Variants in NSMCE1 observed in about 807,000 individuals in gnomAD.
NSMCE1 encodes the protein NSE1 component of SMC5/6 complex, also known as non-structural maintenance of chromosomes element 1 homolog.
NSMCE1 carries 18 observed loss-of-function variants against 29.6 expected under a neutral mutation model. The observed-to-expected ratio is 0.61, with a 90% CI of 0.42 to 0.90. NSMCE1 has a LOEUF of 0.90. Among genes scored for constraint, NSMCE1 ranks in the 40% least tolerant of loss-of-function variants. The pLI is 0.00. For missense variants in NSMCE1, 314 were observed against 343.6 expected (o/e 0.91, Z 0.68); for synonymous variants, 124 against 133.4 (o/e 0.93, Z 0.49).
chr16:27,255,503 TATC>T (rs1407574551), intron 2 of NSMCE1, among the ~76,000 whole-genome samples: 1 of 152,166 alleles, frequency 6.6e-6, no homozygotes, highest in African/African-American at 2.4e-5. Flanking sequence ...CAGGGTAGGT[TATC>T]AGTAGGTCAA....
intron 1 of NSMCE1, among the ~76,000 whole-genome samples, chr16:27,263,208 G>A (rs891335868): frequency 1.3e-5 from 2 of 152,142 alleles, no homozygotes; most frequent in Non-Finnish European, 1.5e-5. Context: ...TATACCAGAG[G>A]AACAGAAATA....
intron 5 of NSMCE1, among the ~76,000 whole-genome samples, chr16:27,230,132 C>T (rs369232365): frequency 9.9e-5 from 15 of 152,198 alleles, no homozygotes; most frequent in Non-Finnish European, 1.5e-4. Flanking sequence ...CCATGAGCCG[C>T]GCTTGCTCTC....
intron 2 of NSMCE1, among the ~76,000 whole-genome samples, chr16:27,251,467 T>A (rs921089059): frequency 6.6e-6 from 1 of 152,164 alleles, no homozygotes; most frequent in Non-Finnish European, 1.5e-5. Flanking sequence ...GGATAAACCC[T>A]ACTTGGTTAT....
At chr16:27,255,782 G>A (rs964829820) in intron 2 of NSMCE1, among the ~76,000 whole-genome samples, 1 of 152,156 alleles carries the variant, frequency 6.6e-6, no homozygotes, top group Admixed American at 6.5e-5. Flanking sequence ...ACCTCTCTGG[G>A]ATCAGGCTTT....
At chr16:27,229,905 T>C (rs1596670944) in intron 5 of NSMCE1, among the ~76,000 whole-genome samples, 1 of 152,202 alleles carries the variant, frequency 6.6e-6, no homozygotes, top group Non-Finnish European at 1.5e-5. Flanking sequence ...ACACCTGCTA[T>C]GTGCCTGAAA....
At chr16:27,228,995 C>T (rs1041323119) in intron 5 of NSMCE1, among the ~76,000 whole-genome samples, 11 of 152,120 alleles carry the variant, frequency 7.2e-5, no homozygotes, top group Admixed American at 3.3e-4. Context: ...GCAACGCACT[C>T]GCTACCGAAC....
intron 6 of NSMCE1, 181 bp from the exon 7 acceptor site, chr16:27,226,027 C>T: frequency 1.5e-6 from 1 of 670,138 alleles, no homozygotes. Flanking sequence ...TTGCTTGCTG[C>T]TTGTTGCGGT....
At chr16:27,233,523 C>T (rs546905383) in intron 4 of NSMCE1, among the ~76,000 whole-genome samples, 21 of 152,372 alleles carry the variant, frequency 1.4e-4, no homozygotes, top group South Asian at 8.3e-4. Flanking sequence ...GCTCCTCAAC[C>T]TTGGTGGCTA....
At chr16:27,266,286 T>C (rs1246632234) in intron 1 of NSMCE1, 1 of 152,184 alleles carries the variant, frequency 6.6e-6, no homozygotes, top group East Asian at 1.9e-4. Context: ...GAGAACAGGA[T>C]AGGATTGAAT....
intron 1 of NSMCE1, among the ~76,000 whole-genome samples, chr16:27,267,259 T>A (rs2084236131): frequency 6.6e-6 from 1 of 152,190 alleles, no homozygotes; most frequent in African/African-American, 2.4e-5. Context: ...TTAATAATTT[T>A]AAAATAGAAA....
intron 2 of NSMCE1, among the ~76,000 whole-genome samples, chr16:27,254,136 A>G (rs1235163576): frequency 6.6e-6 from 1 of 152,268 alleles, no homozygotes; most frequent in Non-Finnish European, 1.5e-5. Context: ...TTCAAAAGAT[A>G]GGAAATTAAT....
intron 5 of NSMCE1, among the ~76,000 whole-genome samples, chr16:27,228,924 C>T (rs7498181): frequency 2.0e-5 from 3 of 151,504 alleles, no homozygotes; most frequent in Non-Finnish European, 2.9e-5. Flanking sequence ...CCCACCTCCC[C>T]GGCCTCCACC....
chr16:27,253,204 G>A (rs758287841), intron 2 of NSMCE1, among the ~76,000 whole-genome samples: 1 of 152,206 alleles, frequency 6.6e-6, no homozygotes, highest in Non-Finnish European at 1.5e-5. Flanking sequence ...AGGGAGTTAT[G>A]GGAACCACTG....
At chr16:27,240,493 C>T (rs80184721) in intron 2 of NSMCE1, among the ~76,000 whole-genome samples, 1 of 152,328 alleles carries the variant, frequency 6.6e-6, no homozygotes, top group East Asian at 1.9e-4. Context: ...CATCCATCAT[C>T]CCCTTGGCCC....
intron 2 of NSMCE1, among the ~76,000 whole-genome samples, chr16:27,247,706 C>T (rs887444791): frequency 7.2e-5 from 11 of 152,134 alleles, no homozygotes; most frequent in African/African-American, 2.7e-4. Context: ...GTGGGCAGAT[C>T]ACGAGGTGAG....
chr16:27,238,411 G>A (rs1249868151), intron 2 of NSMCE1, among the ~76,000 whole-genome samples: 2 of 152,064 alleles, frequency 1.3e-5, no homozygotes, highest in Non-Finnish European at 2.9e-5. Context: ...TCCTCCCATG[G>A]CAGCACTTCC....
chr16:27,235,942 C>G (rs983825037), intron 2 of NSMCE1, among the ~76,000 whole-genome samples: 1 of 152,214 alleles, frequency 6.6e-6, no homozygotes, highest in Non-Finnish European at 1.5e-5. Flanking sequence ...AATCCACCCT[C>G]CAGCAGCTCT....
chr16:27,248,600 A>G (rs2083985321), intron 2 of NSMCE1, among the ~76,000 whole-genome samples: 1 of 151,490 alleles, frequency 6.6e-6, no homozygotes, highest in African/African-American at 2.4e-5. Flanking sequence ...TAGTAGACAC[A>G]GGGTTTCACC....
At chr16:27,250,695 A>G (rs983044642) in intron 2 of NSMCE1, among the ~76,000 whole-genome samples, 6 of 151,662 alleles carry the variant, frequency 4.0e-5, no homozygotes, top group African/African-American at 9.7e-5. Flanking sequence ...CGGGAGGCGG[A>G]GGCAGGAGAA....
Sources: gnomAD v4.1 joint callset for allele counts (sites outside exome capture counted in the v4.1 genomes callset) on GRCh38, gnomAD v4.1.1 for gene constraint, MANE v1.5 for transcripts, NCBI Gene and HGNC (gene_info 2026-07-23, HGNC 2026-07-21) for gene names.